RIMKLB: variants seen among roughly 807,000 people sequenced by gnomAD.
RIMKLB encodes beta-citrylglutamate synthase B.
In RIMKLB, 7 loss-of-function variants were observed where a neutral mutation model predicts 32.0. The observed-to-expected ratio is 0.22, with a 90% confidence interval of 0.12 to 0.41. The LOEUF is 0.41. RIMKLB is among the 10% of genes least tolerant of loss of function. The pLI, the probability that RIMKLB is intolerant of heterozygous loss-of-function variation, is 1.00. For synonymous variants in RIMKLB, 172 were observed against 185.1 expected (o/e 0.93, Z 0.57); for missense variants, 289 against 498.7 (o/e 0.58, Z 4.00).
At chr12:8,751,307 A>G (rs1197452363) in intron 3 of RIMKLB, among the ~76,000 whole-genome samples, 1 of 152,306 alleles carries the variant, frequency 6.6e-6, no homozygotes. Flanking sequence ...TCACTTGTTT[A>G]ATGGACTTTT....
intron 2 of RIMKLB, among the ~76,000 whole-genome samples, chr12:8,718,669 ATGTGTGTG>A (rs1182850325): frequency 3.5e-4 from 41 of 116,200 alleles, no homozygotes; most frequent in Non-Finnish European, 4.2e-4. Context: ...ATATATATAT[ATGTGTGTG>A]TGTGTGTGTG....
intron 2 of RIMKLB, among the ~76,000 whole-genome samples, chr12:8,734,166 A>G (rs1202515774): frequency 6.6e-6 from 1 of 152,188 alleles, no homozygotes; most frequent in Non-Finnish European, 1.5e-5. Context: ...AATGGTACCA[A>G]AGTAGACTTA....
the RIMKLB span, among the ~76,000 whole-genome samples, chr12:8,671,865 T>C: frequency 2.0e-3 from 297 of 152,206 alleles, no homozygotes; most frequent in African/African-American, 7.0e-3. Flanking sequence ...TGAGCTGAGA[T>C]TGCGCCATTG....
At chr12:8,691,331 G>A (rs916970752) in intron 1 of RIMKLB, among the ~76,000 whole-genome samples, 1 of 151,738 alleles carries the variant, frequency 6.6e-6, no homozygotes, top group Non-Finnish European at 1.5e-5. Flanking sequence ...TGTAGGGGTT[G>A]GGTGCAGTGG....
intron 1 of RIMKLB, among the ~76,000 whole-genome samples, chr12:8,699,393 A>G (rs1318113357): frequency 6.6e-6 from 1 of 152,128 alleles, no homozygotes; most frequent in Admixed American, 6.6e-5. Context: ...CTTAAAGGTC[A>G]TTTCTTCTAT....
chr12:8,772,115 C>T (rs919856706), intron 5 of RIMKLB, among the ~76,000 whole-genome samples: 1 of 152,160 alleles, frequency 6.6e-6, no homozygotes, highest in Admixed American at 6.5e-5. Flanking sequence ...TCTTGAACTC[C>T]TGACCTCAAG....
downstream of RIMKLB, among the ~76,000 whole-genome samples, chr12:8,781,722 CTG>C (rs1951062421): frequency 6.6e-6 from 1 of 152,172 alleles, no homozygotes; most frequent in African/African-American, 2.4e-5. Context: ...GTGTGCATGT[CTG>C]TCTTTCTCTT....
intron 2 of RIMKLB, among the ~76,000 whole-genome samples, chr12:8,746,019 A>G (rs1031230399): frequency 6.6e-6 from 1 of 151,872 alleles, no homozygotes; most frequent in Non-Finnish European, 1.5e-5. Flanking sequence ...TTAAACATAA[A>G]TACACAGTTT....
intron 1 of RIMKLB, among the ~76,000 whole-genome samples, chr12:8,682,796 A>C (rs1382892270): frequency 1.6e-5 from 1 of 62,556 alleles, no homozygotes; most frequent in Admixed American, 2.5e-4. Context: ...AATAAAAATA[A>C]ATAAATTAAA....
intron 7 of RIMKLB, among the ~76,000 whole-genome samples, chr12:8,782,548 G>A (rs1181713599): frequency 1.3e-5 from 2 of 152,136 alleles, no homozygotes; most frequent in Non-Finnish European, 2.9e-5. Context: ...AATTGAACTT[G>A]CGACTGTTCA....
intron 5 of RIMKLB, among the ~76,000 whole-genome samples, chr12:8,757,946 A>G (rs1262610940): frequency 6.7e-6 from 1 of 149,914 alleles, no homozygotes; most frequent in Non-Finnish European, 1.5e-5. Context: ...AATAATGTGA[A>G]CTTTTGTCTT....
At chr12:8,677,615 C>T (rs191737302), upstream of RIMKLB, among the ~76,000 whole-genome samples, 288 of 152,320 alleles carry the variant, frequency 1.9e-3, no homozygotes, top group African/African-American at 6.6e-3. Context: ...CATTCCCTGG[C>T]TTAAAAACTA....
At chr12:8,730,739 T>C (rs1306690628) in intron 2 of RIMKLB, among the ~76,000 whole-genome samples, 1 of 152,196 alleles carries the variant, frequency 6.6e-6, no homozygotes, top group African/African-American at 2.4e-5. Context: ...CAGCTCTTTC[T>C]TTTTTTAAAA....
In RIMKLB at chr12:8,776,489, A is replaced by G; in HGVS notation, c.*2705A>G. On this transcript the variant is annotated 3_prime_UTR_variant, in exon 6 of 6. Coordinates refer to ENST00000535829, the MANE Select transcript of RIMKLB (RefSeq NM_001297776.2). ...TGCTATTATGAGAGAGAATGTATATATCAAATATGTGTAATGATAAAATCT... is the reference window on the plus strand; with the variant it reads ...TGCTATTATGAGAGAGAATGTATATGTCAAATATGTGTAATGATAAAATCT... 1.4e-6 allele frequency: 1 copy of G among 722,110 alleles called. No individual in the cohort carries two copies. The highest frequency in any genetic ancestry group is 7.1e-4 in the Middle Eastern group (1 of 1,414). The allele number at this position is 722,110 out of a possible 1,614,324, so 44.7% of individuals were successfully genotyped here.
intron 2 of RIMKLB, among the ~76,000 whole-genome samples, chr12:8,727,270 T>C (rs1946110829): frequency 6.6e-6 from 1 of 152,200 alleles, no homozygotes; most frequent in Non-Finnish European, 1.5e-5. Flanking sequence ...ACAGAATCTC[T>C]GTTGCCCAGG....
chr12:8,693,483 G>A (rs1169485102), upstream of RIMKLB, among the ~76,000 whole-genome samples: 3 of 149,474 alleles, frequency 2.0e-5, no homozygotes, highest in Non-Finnish European at 3.0e-5. Context: ...TGCAACACCC[G>A]CCTCCCAGGT....
intron 1 of RIMKLB, among the ~76,000 whole-genome samples, chr12:8,683,876 T>C (rs11046759): frequency 0.21 from 32,542 of 151,924 alleles, 4,351 homozygotes; most frequent in Non-Finnish European, 0.3. Flanking sequence ...GCTTCCCAAG[T>C]AGCTGAACTT....
intron 1 of RIMKLB, among the ~76,000 whole-genome samples, chr12:8,683,466 G>A (rs1298749042): frequency 6.6e-6 from 1 of 152,172 alleles, no homozygotes; most frequent in Non-Finnish European, 1.5e-5. Context: ...TAGGGGCATA[G>A]TGGTATCTTA....
intron 2 of RIMKLB, among the ~76,000 whole-genome samples, chr12:8,748,979 T>A (rs1163796067): frequency 6.6e-6 from 1 of 152,102 alleles, no homozygotes; most frequent in East Asian, 1.9e-4. Context: ...TTGTGTATTA[T>A]TTGGGGTCTT....
Sources: gnomAD v4.1 joint callset for allele counts (sites outside exome capture counted in the v4.1 genomes callset) on GRCh38, gnomAD v4.1.1 for gene constraint, MANE v1.5 for transcripts, NCBI Gene and HGNC (gene_info 2026-07-23, HGNC 2026-07-21) for gene names.